PTPRD: variants seen among roughly 807,000 people sequenced by gnomAD.
PTPRD encodes the protein protein tyrosine phosphatase receptor type D.
A neutral mutation model predicts 214.5 loss-of-function variants in PTPRD; 34 were observed. The ratio of observed to expected loss-of-function variants is 0.16; its 90% CI spans 0.12 to 0.21. The LOEUF is 0.21. Among genes scored for constraint, PTPRD ranks in the 10% least tolerant of loss-of-function variants. The pLI is 1.00. For missense variants in PTPRD, 2,545 were observed against 2,398.7 expected (o/e 1.06, Z -1.27); for synonymous variants, 1,128 against 845.7 (o/e 1.33, Z -5.79).
chr9:10,432,315 T>C (rs368173175), intron 2 of PTPRD, among the ~76,000 whole-genome samples: 77 of 145,722 alleles, frequency 5.3e-4, no homozygotes, highest in Non-Finnish European at 1.0e-3. Flanking sequence ...AGGGATAGCA[T>C]TGGGAGATAT....
chr9:10,384,958 T>C (rs1434485373), intron 2 of PTPRD, among the ~76,000 whole-genome samples: 1 of 151,742 alleles, frequency 6.6e-6, no homozygotes, highest in East Asian at 1.9e-4. Flanking sequence ...GCCTCAAATA[T>C]CCACTTCCCT....
At chr9:8,470,667 A>G (rs990585429) in intron 31 of PTPRD, among the ~76,000 whole-genome samples, 1 of 152,154 alleles carries the variant, frequency 6.6e-6, no homozygotes, top group Non-Finnish European at 1.5e-5. Flanking sequence ...GATTTATACC[A>G]ATGGTGATTA....
intron 27 of PTPRD, among the ~76,000 whole-genome samples, chr9:8,488,863 G>A (rs575092728): frequency 2.1e-4 from 32 of 152,212 alleles, no homozygotes; most frequent in Middle Eastern, 6.8e-3. Flanking sequence ...ATGAAACTCC[G>A]TTGAAACGAG....
Position 9,675,277 on chromosome 9 carries a change from A to G in PTPRD, c.-287+59256T>C, listed in dbSNP as rs527735528. 3.9e-5 allele frequency among the ~76,000 whole-genome samples: 6 copies of G among 151,988 alleles called. No individual in the cohort carries two copies. In the East Asian group the frequency reaches 1.2e-3, roughly 29 times the overall value. On this transcript the variant is annotated intron_variant, in intron 7 of 45. Transcript: ENST00000381196. ...TGTTTGTATCAAAATCTGTAGATGC[A>G]GTAAAAGGACTTTCAGAGTAATATA...
chr9:9,026,306 G>A (rs547504565), intron 10 of PTPRD, among the ~76,000 whole-genome samples: 78 of 152,070 alleles, frequency 5.1e-4, no homozygotes, highest in African/African-American at 1.8e-3. Flanking sequence ...GCATGTTGAG[G>A]CATGAAAAGC....
At position 8,569,104 on chromosome 9, in the gene PTPRD, C is replaced by G. The variant is rs572626267; in HGVS notation, c.353-40325G>C. On this transcript the variant is annotated intron_variant, in intron 14 of 45. Coordinates refer to ENST00000381196, the MANE Select transcript of PTPRD (RefSeq NM_002839.4). ...AGAGGCTTCCTCTCCCAAACTAACACATCTTTCTTCAGCCTAGGGAGTTCA... is the reference window on the plus strand; with the variant it reads ...AGAGGCTTCCTCTCCCAAACTAACAGATCTTTCTTCAGCCTAGGGAGTTCA... Among the ~76,000 whole-genome samples, 40 of 152,240 alleles carry G rather than the reference C, an allele frequency of 2.6e-4. No individual in the cohort carries two copies. The South Asian group carries it at 8.3e-3, about 32-fold the overall frequency.
intron 6 of PTPRD, among the ~76,000 whole-genome samples, chr9:9,753,329 A>G (rs1250176196): frequency 6.6e-6 from 1 of 151,972 alleles, no homozygotes; most frequent in Non-Finnish European, 1.5e-5. Context: ...TCTGGACAAC[A>G]TATCAATTTG....
At chr9:10,267,372 A>C (rs759877605) in intron 3 of PTPRD, among the ~76,000 whole-genome samples, 1 of 152,170 alleles carries the variant, frequency 6.6e-6, no homozygotes, top group Non-Finnish European at 1.5e-5. Context: ...AAATTTATAT[A>C]GGAAGCAACT....
intron 10 of PTPRD, among the ~76,000 whole-genome samples, chr9:9,154,637 T>C (rs1226806452): frequency 6.6e-6 from 1 of 152,188 alleles, no homozygotes; most frequent in African/African-American, 2.4e-5. Flanking sequence ...ATAGTAGTTA[T>C]AAAACATTAT....
In PTPRD at chr9:9,749,453, G is replaced by T. The variant is rs532810230; in HGVS notation, c.-325-14882C>A. Among the ~76,000 whole-genome samples the T allele has an allele frequency of 4.6e-5, 7 of 152,224 alleles. No individual in the cohort carries two copies. In the South Asian group the frequency reaches 1.4e-3, roughly 32 times the overall value. The stretch of plus-strand genomic sequence containing the variant: ...TTCCAGGCTCAGGAGGGGAAGAACA[G>T]GGAATTATTTATTGATCCCCTAAAC... On this transcript the variant is annotated intron_variant, in intron 6 of 45. Coordinates refer to ENST00000381196, the MANE Select transcript of PTPRD (RefSeq NM_002839.4).
At chr9:10,410,542 T>C (rs919846118) in intron 2 of PTPRD, among the ~76,000 whole-genome samples, 1 of 151,508 alleles carries the variant, frequency 6.6e-6, no homozygotes, top group Admixed American at 6.6e-5. Context: ...TTTAGGGACA[T>C]TGATACACAC....
intron 9 of PTPRD, among the ~76,000 whole-genome samples, chr9:9,381,644 C>A (rs771070722): frequency 6.6e-6 from 1 of 151,898 alleles, no homozygotes; most frequent in Non-Finnish European, 1.5e-5. Flanking sequence ...TGGGCCACCA[C>A]GCTCAGACAG....
intron 31 of PTPRD, among the ~76,000 whole-genome samples, chr9:8,466,659 TC>T (rs1480612533): frequency 6.6e-6 from 1 of 151,908 alleles, no homozygotes; most frequent in Admixed American, 6.6e-5. Context: ...AGCAGTCTTT[TC>T]GCCATTTTCT....
intron 10 of PTPRD, among the ~76,000 whole-genome samples, chr9:9,155,292 C>T (rs1015468350): frequency 6.6e-6 from 1 of 151,988 alleles, no homozygotes; most frequent in African/African-American, 2.4e-5. Context: ...CTTCTTTGTA[C>T]ATGAATTGGA....
chr9:9,127,974 A>G lies in PTPRD; in HGVS notation c.-143+55330T>C, dbSNP rs78711880. Among the ~76,000 whole-genome samples the G allele has an allele frequency of 2.6e-3, 397 of 152,294 alleles. 3 individuals carry two copies. Among genetic ancestry groups the G allele is most frequent in the African/African-American group, 8.7e-3 (362 of 41,578 alleles). ...CTGTCCTCCTACTTCTTTTGCCTCTATTAACCTTGATACCTTCCAAATTGG... is the reference window on the plus strand; with the variant it reads ...CTGTCCTCCTACTTCTTTTGCCTCTGTTAACCTTGATACCTTCCAAATTGG... On this transcript the variant is annotated intron_variant, in intron 10 of 45. Transcript: ENST00000381196.
At chr9:10,257,160 T>A (rs2093345669) in intron 3 of PTPRD, among the ~76,000 whole-genome samples, 1 of 152,234 alleles carries the variant, frequency 6.6e-6, no homozygotes, top group South Asian at 2.1e-4. Flanking sequence ...GATAAATTAA[T>A]GACTGAAGAA....
At chr9:10,349,629 G>GA (rs202240799) in intron 2 of PTPRD, among the ~76,000 whole-genome samples, 2 of 151,972 alleles carry the variant, frequency 1.3e-5, no homozygotes, top group East Asian at 1.9e-4. Flanking sequence ...GTGAATACAT[G>GA]AAAAAAAGTA....
chr9:8,510,216 C>T (rs1158663746), intron 21 of PTPRD, among the ~76,000 whole-genome samples: 1 of 152,104 alleles, frequency 6.6e-6, no homozygotes, highest in Non-Finnish European at 1.5e-5. Flanking sequence ...CACTTGAGTC[C>T]AGGAGCGTGA....
chr9:9,011,492 T>C (rs977659418), intron 11 of PTPRD, among the ~76,000 whole-genome samples: 1 of 152,062 alleles, frequency 6.6e-6, no homozygotes, highest in Non-Finnish European at 1.5e-5. Flanking sequence ...GAGGTGTACA[T>C]TAAGAAAAAA....
Sources: allele counts gnomAD v4.1 joint callset (sites outside exome capture counted in the v4.1 genomes callset), GRCh38; gene constraint gnomAD v4.1.1; transcripts MANE v1.5; gene names NCBI Gene and HGNC (gene_info 2026-07-23, HGNC 2026-07-21).